Variants in VASH2 observed in about 807,000 individuals in gnomAD.
VASH2 encodes the protein tubulinyl-Tyr carboxypeptidase 2.
VASH2 carries 28 observed loss-of-function variants against 37.2 expected under a neutral mutation model. That is an observed-to-expected ratio of 0.75 (90% CI 0.56 to 1.03). The LOEUF is 1.03. Among genes scored for constraint, VASH2 ranks in the 50% least tolerant of loss-of-function variants. The pLI, the probability that VASH2 is intolerant of heterozygous loss-of-function variation, is 0.00. For synonymous variants in VASH2, 188 were observed against 174.7 expected (o/e 1.08, Z -0.60); for missense variants, 419 against 459.1 (o/e 0.91, Z 0.80).
intron 2 of VASH2, among the ~76,000 whole-genome samples, chr1:212,959,266 C>CTGTGTG (rs140070220): frequency 3.3e-5 from 5 of 151,006 alleles, no homozygotes; most frequent in African/African-American, 7.3e-5. Context: ...TTGACTTGCT[C>CTGTGTG]TGTGTGTGTG....
intron 7 of VASH2, among the ~76,000 whole-genome samples, chr1:212,980,670 T>C (rs1667314976): frequency 6.6e-6 from 1 of 152,250 alleles, no homozygotes; most frequent in Non-Finnish European, 1.5e-5. Flanking sequence ...AGAAGTTGTT[T>C]AATGAAGTCA....
rs371912328 is a variant in VASH2, at chr1:212,961,271, G to T, written c.365+17G>T. On this transcript the variant is annotated intron_variant, in intron 3 of 7. Coordinates refer to ENST00000517399, the MANE Select transcript of VASH2 (RefSeq NM_001301056.2). The stretch of plus-strand genomic sequence containing the variant: ...GACCCTACAGTATCCTTCCAACCAA[G>T]GTCTGAGCACACCCAGCCAGGGGAC... 7.7e-5 allele frequency: 124 copies of T among 1,614,100 alleles called. No individual in the cohort carries two copies. The African/African-American group carries it at 1.6e-3, about 20-fold the overall frequency.
At chr1:212,955,045 C>T (rs1183668620) in intron 2 of VASH2, among the ~76,000 whole-genome samples, 1 of 152,194 alleles carries the variant, frequency 6.6e-6, no homozygotes, top group African/African-American at 2.4e-5. Flanking sequence ...CTGTGCTCAG[C>T]ATGGCAGACT....
chr1:212,984,920 C>G (rs1408658758), intron 7 of VASH2, among the ~76,000 whole-genome samples: 1 of 152,208 alleles, frequency 6.6e-6, no homozygotes, highest in Non-Finnish European at 1.5e-5. Flanking sequence ...AGCATGTTCT[C>G]CATACTCCAC....
intron 5 of VASH2, chr1:212,968,406 CTG>C: frequency 1.0e-6 from 1 of 985,458 alleles, no homozygotes; most frequent in Non-Finnish European, 1.2e-6. Flanking sequence ...CAGAATTAGA[CTG>C]GGGACAGGAG....
intron 7 of VASH2, among the ~76,000 whole-genome samples, chr1:212,978,183 G>T (rs1268971357): frequency 6.6e-6 from 1 of 152,206 alleles, no homozygotes; most frequent in African/African-American, 2.4e-5. Flanking sequence ...GCCAGACTGG[G>T]CCTCCGGTCC....
intron 2 of VASH2, among the ~76,000 whole-genome samples, chr1:212,958,348 C>A (rs1666558963): frequency 6.6e-6 from 1 of 152,206 alleles, no homozygotes; most frequent in South Asian, 2.1e-4. Flanking sequence ...CGTTTGTCCT[C>A]CCGTTGGGCA....
chr1:212,990,569 A>G lies in VASH2; in HGVS notation c.*1985A>G, dbSNP rs1461579249. The G allele has an allele frequency of 2.0e-5, 3 of 152,226 alleles. No individual in the cohort carries two copies. The highest frequency in any genetic ancestry group is 4.4e-5 in the Non-Finnish European group (3 of 68,036). 9.4% of individuals were successfully genotyped at this position (152,226 alleles called of 1,614,324 possible). ...AATTTATTTTTGCCAAGTATTAAGT[A>G]CTGTTACATCTAAAATACAGAATGT... On this transcript the variant is annotated 3_prime_UTR_variant, in exon 8 of 8. Coordinates refer to ENST00000517399, the MANE Select transcript of VASH2 (RefSeq NM_001301056.2).
At chr1:212,964,247 C>T (rs972187923) in intron 3 of VASH2, among the ~76,000 whole-genome samples, 5 of 152,178 alleles carry the variant, frequency 3.3e-5, no homozygotes, top group South Asian at 2.1e-4. Context: ...TACGTGTGCT[C>T]GTGTCTGAGT....
intron 7 of VASH2, among the ~76,000 whole-genome samples, chr1:212,976,778 C>G (rs1558150331): frequency 6.6e-6 from 1 of 152,198 alleles, no homozygotes; most frequent in Non-Finnish European, 1.5e-5. Flanking sequence ...TGCCCTCCTG[C>G]CCATCTGGCA....
intron 3 of VASH2, 96 bp downstream of exon 3, chr1:212,961,350 A>C (rs547536096): frequency 1.4e-4 from 217 of 1,596,078 alleles, no homozygotes; most frequent in Non-Finnish European, 1.7e-4. Context: ...GGTCATCAAA[A>C]GCTCTCTAAG....
At chr1:212,973,575 A>G in intron 6 of VASH2, 2 of 1,265,454 alleles carry the variant, frequency 1.6e-6, no homozygotes, top group Non-Finnish European at 2.0e-6. Flanking sequence ...GGATGGGAGC[A>G]TCAGAGGAAG....
intron 3 of VASH2, 43 bp from the exon 4 acceptor site, chr1:212,965,679 C>T (rs1369549695): frequency 1.3e-6 from 2 of 1,505,528 alleles, no homozygotes; most frequent in Admixed American, 2.0e-5. Flanking sequence ...TTACTGGGAC[C>T]TTTGGAGTTT....
rs937777839 is a variant in VASH2, at chr1:212,951,665, G to C, written c.123G>C (p.Glu41Asp). 1 of 1,594,150 alleles carries C rather than the reference G, an allele frequency of 6.3e-7. No individual in the cohort carries two copies. The part of the protein sequence containing the change: ...SLATSGGSEE[E>D]DKDGGVLFHV... The stretch of plus-strand genomic sequence containing the variant: ...CCACCAGCGGGGGCTCAGAGGAGGA[G>C]GACAAAGACGGCGGGGTGCTGTTCC... The change falls in exon 2 of 8, where the codon GAG becomes GAC. Residue 41 changes from glutamate (E) to aspartate (D), a missense_variant. Glu to Asp is a conservative substitution (Grantham distance 45). This residue lies in a region of VASH2 where 158 missense variants were observed against 163.0 expected (regional missense o/e 0.97). Coordinates refer to ENST00000517399, the MANE Select transcript of VASH2 (RefSeq NM_001301056.2). This position sits in a 1 kb window ranked among gnomAD's most constrained non-coding sequence, Gnocchi z 4.4.
intron 2 of VASH2, among the ~76,000 whole-genome samples, chr1:212,959,816 G>C (rs747321779): frequency 7.2e-5 from 11 of 152,214 alleles, no homozygotes; most frequent in Non-Finnish European, 1.0e-4. Context: ...TCCATCAGCG[G>C]AGCACCAGAT....
rs1320443270 is a variant in VASH2, at chr1:212,951,427, C to G, written c.-116C>G. The G allele has an allele frequency of 2.0e-6, 1 of 500,032 alleles. No homozygotes were observed. The highest frequency in any genetic ancestry group is 2.1e-5 in the African/African-American group (1 of 48,376). The allele number at this position is 500,032 out of a possible 1,614,324, so 31.0% of individuals were successfully genotyped here. A position where few individuals can be genotyped will look rare whatever the true frequency, so the allele number is the denominator to read the frequency against. On this transcript the variant is annotated 5_prime_UTR_variant, in exon 2 of 8. Coordinates refer to ENST00000517399, the MANE Select transcript of VASH2 (RefSeq NM_001301056.2). This position sits in a 1 kb window ranked among gnomAD's most constrained non-coding sequence, Gnocchi z 4.4. ...GCCGCAGCGAGAGGCATGGAGAAGG[C>G]CGCCCCCGCGGGGCGCTGATCCCCT...
At chr1:212,974,165 G>A (rs534562843) in intron 7 of VASH2, 95 bp downstream of exon 7, 20 of 1,414,546 alleles carry the variant, frequency 1.4e-5, no homozygotes, top group Non-Finnish European at 1.7e-5. Context: ...CTTGGGCATG[G>A]CATTTGAACC....
chr1:212,979,744 C>T (rs1667284592), intron 7 of VASH2, among the ~76,000 whole-genome samples: 1 of 152,166 alleles, frequency 6.6e-6, no homozygotes, highest in African/African-American at 2.4e-5. Context: ...AGGACTCCCC[C>T]ACCCTTCCAC....
intron 2 of VASH2, among the ~76,000 whole-genome samples, chr1:212,958,471 C>T (rs1228110800): frequency 2.0e-5 from 3 of 152,200 alleles, no homozygotes; most frequent in Non-Finnish European, 2.9e-5. Flanking sequence ...GACCACCTGC[C>T]GTCTGCTCCC....
Sources: allele counts gnomAD v4.1 joint callset (sites outside exome capture counted in the v4.1 genomes callset), GRCh38; gene constraint gnomAD v4.1.1; regional missense constraint gnomAD v4.1.1; non-coding constraint Gnocchi (gnomAD v3.1); transcripts MANE v1.5; gene names NCBI Gene and HGNC (gene_info 2026-07-23, HGNC 2026-07-21).